RABGEF1: variants seen among roughly 807,000 people sequenced by gnomAD.
RABGEF1 encodes the protein rab5 GDP/GTP exchange factor.
In RABGEF1, 26 loss-of-function variants were observed where a neutral mutation model predicts 57.3. The ratio of observed to expected loss-of-function variants is 0.45; its 90% CI spans 0.33 to 0.63. The LOEUF (loss-of-function observed/expected upper bound fraction) is 0.63, where lower values mean the gene tolerates loss of function less well. RABGEF1 is among the 20% of genes least tolerant of loss of function. The probability of loss-of-function intolerance (pLI) is 0.02; values close to 1 mark genes in which losing one functional copy is unlikely to be tolerated. For synonymous variants in RABGEF1, 185 were observed against 210.7 expected (o/e 0.88, Z 1.06); for missense variants, 464 against 607.6 (o/e 0.76, Z 2.48).
At chr7:66,797,254 A>G in intron 5 of RABGEF1, 120 bp from the exon 6 acceptor site, 1 of 1,064,444 alleles carries the variant, frequency 9.4e-7, no homozygotes, top group South Asian at 1.6e-5. Context: ...CAGTGAGCCA[A>G]GGTCATGCTG....
the RABGEF1 span, among the ~76,000 whole-genome samples, chr7:66,664,001 G>C: frequency 6.6e-6 from 1 of 151,894 alleles, no homozygotes; most frequent in East Asian, 1.9e-4. Context: ...TTGAACCCGG[G>C]AGGTGGAGGT....
chr7:66,655,655 C>G, the RABGEF1 span, among the ~76,000 whole-genome samples: 3 of 152,184 alleles, frequency 2.0e-5, no homozygotes, highest in Non-Finnish European at 4.4e-5. Context: ...TAGGCGTCAG[C>G]TATCGCGCAG....
At chr7:66,667,129 A>T in the RABGEF1 span, among the ~76,000 whole-genome samples, 1 of 152,190 alleles carries the variant, frequency 6.6e-6, no homozygotes. Flanking sequence ...GGTGGAGCAT[A>T]GGGACAGGGC....
intron 1 of RABGEF1, among the ~76,000 whole-genome samples, chr7:66,757,744 TG>T (rs1347590116): frequency 6.6e-6 from 1 of 152,202 alleles, no homozygotes; most frequent in Non-Finnish European, 1.5e-5. Flanking sequence ...CCTGAGTAGC[TG>T]GGACTACAGG....
chr7:66,766,158 G>A (rs774050942), intron 1 of RABGEF1, among the ~76,000 whole-genome samples: 3 of 151,902 alleles, frequency 2.0e-5, no homozygotes, highest in Non-Finnish European at 4.4e-5. Flanking sequence ...GTAACGTGGC[G>A]AAACACCGCC....
At chr7:66,760,442 ATT>A (rs1024130038) in intron 1 of RABGEF1, among the ~76,000 whole-genome samples, 40 of 126,078 alleles carry the variant, frequency 3.2e-4, no homozygotes, top group Middle Eastern at 4.2e-3. Context: ...GTTAGCATGT[ATT>A]TTTTTTTTTT....
chr7:66,795,491 T>G lies in RABGEF1; in HGVS notation c.514-20T>G. 1.9e-6 allele frequency: 3 copies of G among 1,581,868 alleles called. No individual in the cohort carries two copies. Among genetic ancestry groups the G allele is most frequent in the African/African-American group, 2.7e-5 (2 of 74,306 alleles). On this transcript the variant is annotated intron_variant, in intron 4 of 8. Coordinates refer to ENST00000284957, the MANE Select transcript of RABGEF1 (RefSeq NM_014504.3). The stretch of plus-strand genomic sequence containing the variant: ...GCACTTTGTTCAGCTACAAGCAGCC[T>G]CTTTGTCTCTCTGTTTCAGGATCTA...
chr7:66,696,689 CA>C (rs71049476), intron 1 of RABGEF1, among the ~76,000 whole-genome samples: 1,551 of 66,234 alleles, frequency 0.023, 12 homozygotes, highest in East Asian at 0.087. Context: ...GACTCCGTCT[CA>C]AAAAAAAAAA....
rs1204268737 is a variant in RABGEF1 at position 66,767,056 on chromosome 7, G to A, written c.-17-4827G>A. ...CTCCCTCTGTTGCCCAGGCTGGAGTGCAATGGCATGATCTTGGCTCACTGC... is the reference window on the plus strand; with the variant it reads ...CTCCCTCTGTTGCCCAGGCTGGAGTACAATGGCATGATCTTGGCTCACTGC... On this transcript the variant is annotated intron_variant, in intron 1 of 8. Coordinates refer to ENST00000284957, the MANE Select transcript of RABGEF1 (RefSeq NM_014504.3). 5.3e-4 allele frequency among the ~76,000 whole-genome samples: 77 copies of A among 145,730 alleles called. 1 individual carries two copies. The highest frequency in any genetic ancestry group is 2.0e-4 in the East Asian group (1 of 4,920).
chr7:66,675,344 C>T, the RABGEF1 span, among the ~76,000 whole-genome samples: 6 of 151,482 alleles, frequency 4.0e-5, no homozygotes, highest in Non-Finnish European at 8.9e-5. Flanking sequence ...GCAGGAGAAT[C>T]GCTTGAACCT....
chr7:66,751,530 A>G (rs1055861592), intron 1 of RABGEF1, among the ~76,000 whole-genome samples: 1 of 152,152 alleles, frequency 6.6e-6, no homozygotes. Flanking sequence ...TCCTTTTGCT[A>G]GGCAGGTAGA....
intron 3 of RABGEF1, among the ~76,000 whole-genome samples, chr7:66,779,658 C>T (rs1290186662): frequency 6.2e-5 from 9 of 145,904 alleles, no homozygotes; most frequent in Non-Finnish European, 9.0e-5. Flanking sequence ...GGTGACAGAG[C>T]GAGACCCTGA....
At chr7:66,771,240 G>A (rs1433501526) in intron 1 of RABGEF1, among the ~76,000 whole-genome samples, 1 of 152,126 alleles carries the variant, frequency 6.6e-6, no homozygotes, top group African/African-American at 2.4e-5. Context: ...CCAGGTTCAC[G>A]TGATTCTCCT....
chr7:66,766,513 A>G lies in RABGEF1; in HGVS notation c.-17-5370A>G, dbSNP rs1274314304. Among the ~76,000 whole-genome samples, 10 of 151,890 alleles carry G rather than the reference A, an allele frequency of 6.6e-5. No individual in the cohort carries two copies. The East Asian group carries it at 9.6e-4, about 15-fold the overall frequency. On this transcript the variant is annotated intron_variant, in intron 1 of 8. Transcript: ENST00000284957. ...GCTTTCTACCTCAGCCTTATCTACT[A>G]TTTATAAATGGCTGGTGTCTTAGAT...
the RABGEF1 span, among the ~76,000 whole-genome samples, chr7:66,676,898 C>G: frequency 6.6e-6 from 1 of 152,172 alleles, no homozygotes; most frequent in Non-Finnish European, 1.5e-5. Context: ...AATAGTGTCC[C>G]TTGATGCACA....
chr7:66,717,192 G>C (rs1318237095), intron 2 of RABGEF1, among the ~76,000 whole-genome samples: 2 of 151,946 alleles, frequency 1.3e-5, no homozygotes, highest in Non-Finnish European at 2.9e-5. Context: ...ATATCTCTTT[G>C]TGTAGTGTTC....
Position 66,809,024 on chromosome 7 carries a change from G to C in RABGEF1, c.1216G>C (p.Gly406Arg). 1 of 1,614,136 alleles carries C rather than the reference G, an allele frequency of 6.2e-7. No homozygotes were observed. Among genetic ancestry groups the C allele is most frequent in the Non-Finnish European group, 8.5e-7 (1 of 1,180,036 alleles). Residue 406 changes from glycine to arginine, a missense_variant, in exon 9 of 9, where the codon GGC becomes CGC. Gly to Arg is a moderately radical substitution (Grantham distance 125). Transcript: ENST00000284957. Reference sequence around the variant, plus strand: ...GAGTTGGTCTCCTGATGCTTGCTTAGGCGTCAAGCAAATGTATAAGAACTT... The same window carrying C: ...GAGTTGGTCTCCTGATGCTTGCTTACGCGTCAAGCAAATGTATAAGAACTT... Reference protein sequence around the residue: ...AESWSPDACLGVKQMYKNLDL... With the variant: ...AESWSPDACLRVKQMYKNLDL...
At chr7:66,689,606 C>T (rs768898949) in intron 1 of RABGEF1, among the ~76,000 whole-genome samples, 3 of 152,094 alleles carry the variant, frequency 2.0e-5, no homozygotes, top group Non-Finnish European at 2.9e-5. Context: ...AGTTAGAGAC[C>T]AGCCTGGCCA....
At chr7:66,654,911 T>C in the RABGEF1 span, among the ~76,000 whole-genome samples, 2 of 152,238 alleles carry the variant, frequency 1.3e-5, no homozygotes, top group Admixed American at 1.3e-4. Context: ...GACAAGCCCT[T>C]GAAGGCCTGA....
Sources: allele counts gnomAD v4.1 joint callset (sites outside exome capture counted in the v4.1 genomes callset), GRCh38; gene constraint gnomAD v4.1.1; transcripts MANE v1.5; gene names NCBI Gene and HGNC (gene_info 2026-07-23, HGNC 2026-07-21).